Variants in LOC400499 observed in about 807,000 individuals in gnomAD.
the LOC400499 span, chr16:11,392,420 C>T: frequency 4.5e-5 from 18 of 398,870 alleles, no homozygotes; most frequent in Non-Finnish European, 7.5e-5. Context: ...GGAGGGCTGC[C>T]TGCCATCCCG....
At chr16:11,458,898 G>A in the LOC400499 span, among the ~76,000 whole-genome samples, 4 of 151,812 alleles carry the variant, frequency 2.6e-5, no homozygotes, top group South Asian at 2.1e-4. Context: ...TTAGCCAGAC[G>A]TGGTGGCAGG....
chr16:11,470,967 T>C, the LOC400499 span, among the ~76,000 whole-genome samples: 1 of 152,112 alleles, frequency 6.6e-6, no homozygotes, highest in Non-Finnish European at 1.5e-5. Context: ...AAGGGGCCAG[T>C]GTGTCTTCAG....
chr16:11,399,744 G>C, the LOC400499 span: 1 of 398,880 alleles, frequency 2.5e-6, no homozygotes, highest in Non-Finnish European at 4.4e-6. Flanking sequence ...AGGCGGTGCT[G>C]TGTGCTAAGG....
At chr16:11,475,166 C>T in the LOC400499 span, among the ~76,000 whole-genome samples, 36 of 152,142 alleles carry the variant, frequency 2.4e-4, no homozygotes, top group Admixed American at 1.0e-3. Context: ...CCGCTTTTCC[C>T]CTTTAAACAA....
At chr16:11,392,219 C>G in the LOC400499 span, 1 of 399,088 alleles carries the variant, frequency 2.5e-6, no homozygotes. Context: ...TTTCTGGGCA[C>G]AGCTGGACCC....
At chr16:11,402,455 G>C in the LOC400499 span, among the ~76,000 whole-genome samples, 2 of 152,192 alleles carry the variant, frequency 1.3e-5, no homozygotes, top group African/African-American at 4.8e-5. Flanking sequence ...CTGGCCTCGT[G>C]ACGTGCTAAT....
chr16:11,384,214 A>C, the LOC400499 span: 5 of 1,231,554 alleles, frequency 4.1e-6, no homozygotes, highest in Admixed American at 4.2e-5. Flanking sequence ...GCACCCGCTC[A>C]CCTGCCAGGC....
the LOC400499 span, among the ~76,000 whole-genome samples, chr16:11,468,516 G>C: frequency 6.6e-6 from 1 of 152,100 alleles, no homozygotes; most frequent in Admixed American, 6.5e-5. Flanking sequence ...TGTAGACACC[G>C]GGTCTTGCTA....
At chr16:11,443,423 T>G in the LOC400499 span, 3 of 415,738 alleles carry the variant, frequency 7.2e-6, no homozygotes, top group African/African-American at 2.4e-5. Flanking sequence ...ATCAAGTCAT[T>G]GCACTCCAGA....
chr16:11,514,266 C>A, the LOC400499 span: 4 of 398,546 alleles, frequency 1.0e-5, no homozygotes, highest in Non-Finnish European at 4.4e-6. Flanking sequence ...CAGGCCGGGA[C>A]AGAGGAACGG....
chr16:11,455,841 T>C, the LOC400499 span, among the ~76,000 whole-genome samples: 3 of 152,054 alleles, frequency 2.0e-5, no homozygotes, highest in African/African-American at 7.2e-5. Flanking sequence ...ACTTTAATCT[T>C]TTAGATTAAA....
At chr16:11,402,417 G>A in the LOC400499 span, among the ~76,000 whole-genome samples, 84 of 152,300 alleles carry the variant, frequency 5.5e-4, no homozygotes, top group Middle Eastern at 6.8e-3. Flanking sequence ...AAGAGGTGGC[G>A]TCTGCCTCCC....
At chr16:11,411,110 G>T in the LOC400499 span, 7 of 397,050 alleles carry the variant, frequency 1.8e-5, no homozygotes, top group Non-Finnish European at 3.1e-5. Flanking sequence ...GTTTCCGAGG[G>T]TTGCCCACCG....
the LOC400499 span, among the ~76,000 whole-genome samples, chr16:11,394,189 C>T: frequency 3.3e-5 from 5 of 152,188 alleles, no homozygotes; most frequent in Admixed American, 1.3e-4. Context: ...GAGACACGGG[C>T]ACACCTGGCA....
At chr16:11,502,012 T>C in the LOC400499 span, 2 of 398,392 alleles carry the variant, frequency 5.0e-6, no homozygotes, top group Non-Finnish European at 8.9e-6. Context: ...GCACGAAGAC[T>C]CCTTTAACCC....
the LOC400499 span, among the ~76,000 whole-genome samples, chr16:11,406,061 G>A: frequency 6.6e-5 from 10 of 152,232 alleles, no homozygotes; most frequent in East Asian, 1.5e-3. Context: ...GTGCATGTTT[G>A]TTACATAGGT....
chr16:11,464,166 C>CGTGTGT, the LOC400499 span, among the ~76,000 whole-genome samples: 6 of 34,466 alleles, frequency 1.7e-4, no homozygotes, highest in East Asian at 5.3e-3. Flanking sequence ...TGTGTATGGA[C>CGTGTGT]ATGTGTATGT....
chr16:11,513,235 C>T, the LOC400499 span, among the ~76,000 whole-genome samples: 3 of 95,514 alleles, frequency 3.1e-5, no homozygotes, highest in African/African-American at 1.1e-4. Flanking sequence ...GAAACCCTGT[C>T]TCAACAACAA....
At chr16:11,512,847 T>C in the LOC400499 span, among the ~76,000 whole-genome samples, 184 of 152,202 alleles carry the variant, frequency 1.2e-3, no homozygotes, top group African/African-American at 3.9e-3. Flanking sequence ...TGAGGGTCGG[T>C]GTGCGGGGAG....
Sources: allele counts gnomAD v4.1 joint callset (sites outside exome capture counted in the v4.1 genomes callset), GRCh38; gene constraint gnomAD v4.1.1; transcripts MANE v1.5.